The following LRRC4C variants were observed in gnomAD, a reference collection of about 807,000 sequenced individuals.
LRRC4C encodes the protein leucine rich repeat containing 4C.
In LRRC4C, 5 loss-of-function variants were observed where a neutral mutation model predicts 33.6. The ratio of observed to expected loss-of-function variants is 0.15; its 90% confidence interval spans 0.08 to 0.31. LRRC4C has a LOEUF of 0.31. Ranked by LOEUF, LRRC4C falls within the 10% of genes least tolerant of loss-of-function variation. The pLI is 1.00. For missense variants in LRRC4C, 560 were observed against 796.7 expected (o/e 0.70, Z 3.58); for synonymous variants, 329 against 302.0 (o/e 1.09, Z -0.93).
chr11:41,262,711 T>C (rs978902911), intron 1 of LRRC4C, among the ~76,000 whole-genome samples: 1 of 152,142 alleles, frequency 6.6e-6, no homozygotes, highest in African/African-American at 2.4e-5. Flanking sequence ...TGGTTCAAAA[T>C]ATACATTGCA....
At chr11:40,233,385 T>C (rs1865339554) in intron 5 of LRRC4C, among the ~76,000 whole-genome samples, 1 of 152,206 alleles carries the variant, frequency 6.6e-6, no homozygotes, top group Non-Finnish European at 1.5e-5. Context: ...AAAAATCATT[T>C]TGTTTTGGTC....
chr11:41,075,025 T>TA (rs1565359450), intron 1 of LRRC4C, among the ~76,000 whole-genome samples: 101 of 11,978 alleles, frequency 8.4e-3, no homozygotes, highest in South Asian at 0.015. Context: ...TTTTTTTTTT[T>TA]TTTTTTTTTT....
At chr11:40,761,858 G>A (rs1949230072) in intron 2 of LRRC4C, among the ~76,000 whole-genome samples, 1 of 152,146 alleles carries the variant, frequency 6.6e-6, no homozygotes, top group South Asian at 2.1e-4. Flanking sequence ...CTGGGAGTAA[G>A]AGTTGGAAGG....
At chr11:40,171,705 C>T (rs993258067) in intron 5 of LRRC4C, among the ~76,000 whole-genome samples, 11 of 151,886 alleles carry the variant, frequency 7.2e-5, no homozygotes, top group African/African-American at 2.7e-4. Flanking sequence ...TTTAATCCGA[C>T]CCCCCCAACC....
At chr11:40,953,408 AG>A (rs1332814250) in intron 1 of LRRC4C, among the ~76,000 whole-genome samples, 2 of 151,828 alleles carry the variant, frequency 1.3e-5, no homozygotes, top group East Asian at 3.9e-4. Context: ...TGTCAAGAAA[AG>A]TCTCCCTGAC....
At chr11:40,970,817 G>A (rs909860442) in intron 1 of LRRC4C, among the ~76,000 whole-genome samples, 1 of 152,190 alleles carries the variant, frequency 6.6e-6, no homozygotes, top group African/African-American at 2.4e-5. Flanking sequence ...CTGGAGTAAA[G>A]GTCACTTTTG....
intron 4 of LRRC4C, among the ~76,000 whole-genome samples, chr11:40,270,263 A>G (rs1437870289): frequency 6.6e-6 from 1 of 152,166 alleles, no homozygotes; most frequent in Non-Finnish European, 1.5e-5. Flanking sequence ...TCATTTTCTC[A>G]CAGTTTCAGA....
chr11:41,120,928 A>G (rs1942392588), intron 1 of LRRC4C, among the ~76,000 whole-genome samples: 2 of 152,062 alleles, frequency 1.3e-5, no homozygotes, highest in African/African-American at 4.8e-5. Context: ...TGCCCTGGTA[A>G]GATGTGCTTG....
chr11:41,166,041 A>G (rs1944711046), intron 1 of LRRC4C, among the ~76,000 whole-genome samples: 1 of 152,054 alleles, frequency 6.6e-6, no homozygotes, highest in South Asian at 2.1e-4. Context: ...AAAAAAAAAA[A>G]AAAGTCCCCA....
intron 1 of LRRC4C, among the ~76,000 whole-genome samples, chr11:41,323,114 T>C (rs1469417330): frequency 1.3e-5 from 2 of 152,220 alleles, no homozygotes; most frequent in African/African-American, 4.8e-5. Context: ...ACCTCTTTAA[T>C]GATTTCCAAA....
At chr11:40,331,265 A>G (rs1946351062) in intron 3 of LRRC4C, among the ~76,000 whole-genome samples, 1 of 152,200 alleles carries the variant, frequency 6.6e-6, no homozygotes, top group African/African-American at 2.4e-5. Flanking sequence ...TGGTCTAGCA[A>G]TCCCACTACT....
intron 2 of LRRC4C, among the ~76,000 whole-genome samples, chr11:40,861,702 A>T (rs1396084148): frequency 1.3e-5 from 2 of 152,206 alleles, no homozygotes; most frequent in Non-Finnish European, 2.9e-5. Flanking sequence ...GGTAATTTAT[A>T]AAGAAATGGG....
intron 3 of LRRC4C, among the ~76,000 whole-genome samples, chr11:40,475,738 A>C (rs1458916540): frequency 2.0e-5 from 3 of 152,064 alleles, no homozygotes; most frequent in African/African-American, 7.3e-5. Context: ...CAACTTCACA[A>C]AATTGTTAGA....
intron 3 of LRRC4C, among the ~76,000 whole-genome samples, chr11:40,531,108 T>C (rs1956253430): frequency 6.6e-6 from 1 of 152,146 alleles, no homozygotes; most frequent in Non-Finnish European, 1.5e-5. Flanking sequence ...AACAGCCAGC[T>C]ACCCTTCTTT....
At chr11:40,803,113 G>A (rs1951105126) in intron 2 of LRRC4C, among the ~76,000 whole-genome samples, 1 of 152,170 alleles carries the variant, frequency 6.6e-6, no homozygotes, top group Non-Finnish European at 1.5e-5. Context: ...CAAGCTACCA[G>A]TTAAGTACTT....
At chr11:40,808,476 C>T (rs925674605) in intron 2 of LRRC4C, among the ~76,000 whole-genome samples, 2 of 152,106 alleles carry the variant, frequency 1.3e-5, no homozygotes, top group African/African-American at 4.8e-5. Context: ...AATTGTAGCA[C>T]TTACACATTC....
intron 3 of LRRC4C, among the ~76,000 whole-genome samples, chr11:40,563,876 T>A (rs1957651158): frequency 6.6e-6 from 1 of 152,170 alleles, no homozygotes; most frequent in Non-Finnish European, 1.5e-5. Context: ...TACAGAGCCC[T>A]CTGTCTCCTT....
At chr11:41,405,946 G>A (rs1954215293) in intron 1 of LRRC4C, among the ~76,000 whole-genome samples, 1 of 152,080 alleles carries the variant, frequency 6.6e-6, no homozygotes, top group Admixed American at 6.6e-5. Context: ...CATGCTCTAA[G>A]CACTGTTTTA....
At chr11:40,889,544 C>A (rs190349741) in intron 2 of LRRC4C, among the ~76,000 whole-genome samples, 2 of 151,866 alleles carry the variant, frequency 1.3e-5, no homozygotes, top group Non-Finnish European at 2.9e-5. Context: ...GAAAATTAAA[C>A]AAAAACAAAA....
Sources: gnomAD v4.1 joint callset for allele counts (sites outside exome capture counted in the v4.1 genomes callset) on GRCh38, gnomAD v4.1.1 for gene constraint, MANE v1.5 for transcripts, NCBI Gene and HGNC (gene_info 2026-07-23, HGNC 2026-07-21) for gene names.